PCSK5: variants seen among roughly 807,000 people sequenced by gnomAD.
PCSK5 encodes the protein proprotein convertase subtilisin/kexin type 5.
PCSK5 carries 129 observed loss-of-function variants against 233.2 expected under a neutral mutation model. That is an observed-to-expected ratio of 0.55 (90% CI 0.48 to 0.64). The LOEUF is 0.64. Among genes scored for constraint, PCSK5 ranks in the 30% least tolerant of loss-of-function variants. PCSK5 has a pLI of 0.00. For missense variants in PCSK5, 2,076 were observed against 2,430.1 expected (o/e 0.85, Z 3.06); for synonymous variants, 825 against 879.2 (o/e 0.94, Z 1.09).
intron 20 of PCSK5, among the ~76,000 whole-genome samples, chr9:76,210,225 C>A (rs1452002230): frequency 6.6e-6 from 1 of 152,168 alleles, no homozygotes; most frequent in Non-Finnish European, 1.5e-5. Flanking sequence ...AAGCCAGTTA[C>A]TGTAAGCTAC....
intron 2 of PCSK5, among the ~76,000 whole-genome samples, chr9:75,976,545 G>A (rs1481683304): frequency 6.6e-6 from 1 of 151,470 alleles, no homozygotes; most frequent in Non-Finnish European, 1.5e-5. Flanking sequence ...ATCATCAATG[G>A]AAAAATGAGC....
chr9:75,961,002 G>C (rs1225888527), intron 2 of PCSK5, among the ~76,000 whole-genome samples: 2 of 152,182 alleles, frequency 1.3e-5, no homozygotes, highest in African/African-American at 4.8e-5. Context: ...AGTGGAAAGA[G>C]GTAAAGTACC....
intron 24 of PCSK5, among the ~76,000 whole-genome samples, chr9:76,262,066 G>A (rs1265267406): frequency 6.6e-6 from 1 of 152,132 alleles, no homozygotes; most frequent in South Asian, 2.1e-4. Context: ...GTGAGAGAGG[G>A]CATCCCTGTC....
intron 10 of PCSK5, among the ~76,000 whole-genome samples, chr9:76,149,832 A>G (rs1398793081): frequency 6.6e-6 from 1 of 152,218 alleles, no homozygotes; most frequent in African/African-American, 2.4e-5. Flanking sequence ...TTACTTGCCT[A>G]TTGTAACCAT....
At chr9:75,936,022 A>C (rs752845998) in intron 2 of PCSK5, among the ~76,000 whole-genome samples, 5 of 152,188 alleles carry the variant, frequency 3.3e-5, no homozygotes, top group Admixed American at 6.5e-5. Context: ...AAGTCACACT[A>C]ATTGTTTTCC....
At chr9:76,015,145 G>A (rs1449177323) in intron 3 of PCSK5, among the ~76,000 whole-genome samples, 1 of 152,238 alleles carries the variant, frequency 6.6e-6, no homozygotes. Context: ...GTCTGAATCT[G>A]AAGACAGGAG....
At chr9:76,263,791 A>C (rs1260957876) in intron 24 of PCSK5, among the ~76,000 whole-genome samples, 1 of 149,208 alleles carries the variant, frequency 6.7e-6, no homozygotes, top group Non-Finnish European at 1.5e-5. Context: ...TAATAAAAGA[A>C]AAAAAAAAGA....
chr9:75,966,164 G>A (rs553802745), intron 2 of PCSK5, among the ~76,000 whole-genome samples: 5 of 152,102 alleles, frequency 3.3e-5, no homozygotes, highest in African/African-American at 4.8e-5. Context: ...CTTTGGGTAC[G>A]TACTAACCTA....
At chr9:75,952,403 G>A (rs1300540616) in intron 2 of PCSK5, among the ~76,000 whole-genome samples, 1 of 152,016 alleles carries the variant, frequency 6.6e-6, no homozygotes, top group East Asian at 1.9e-4. Context: ...ATCCTTGTTT[G>A]CTTTTTGTTT....
intron 34 of PCSK5, among the ~76,000 whole-genome samples, chr9:76,335,923 T>C (rs968485773): frequency 1.3e-5 from 2 of 152,204 alleles, no homozygotes; most frequent in Non-Finnish European, 1.5e-5. Flanking sequence ...TTAAGTGACT[T>C]GCCCAAAGTC....
At chr9:76,193,255 C>T (rs761314125) in intron 20 of PCSK5, 173 of 1,613,180 alleles carry the variant, frequency 1.1e-4, no homozygotes, top group Middle Eastern at 4.9e-4. Flanking sequence ...GAGTCCTGGG[C>T]GGAAGGAGGC....
Position 75,891,211 on chromosome 9 carries a change from G to C in PCSK5, c.30G>C (p.Pro10=). The change falls in exon 1 of 38, where the codon CCG becomes CCC. Residue 10 remains proline, a synonymous_variant. Coordinates refer to ENST00000674117, the MANE Select transcript of PCSK5 (RefSeq NM_001372043.1). MGWGSRCCC[P]GRLDLLCVLA... Reference sequence around the variant, plus strand: ...GCTGGGGGAGCCGCTGCTGCTGCCCGGGACGTTTGGACCTGCTGTGCGTGC... The same window carrying C: ...GCTGGGGGAGCCGCTGCTGCTGCCCCGGACGTTTGGACCTGCTGTGCGTGC... 6.7e-7 allele frequency: 1 copy of C among 1,494,402 alleles called. No homozygotes were observed. Among genetic ancestry groups the C allele is most frequent in the Non-Finnish European group, 8.8e-7 (1 of 1,131,148 alleles). The allele number at this position is 1,494,402 out of a possible 1,614,324, so 92.6% of individuals were successfully genotyped here.
chr9:76,155,327 T>C (rs1823844604), intron 10 of PCSK5, among the ~76,000 whole-genome samples: 1 of 152,216 alleles, frequency 6.6e-6, no homozygotes, highest in Non-Finnish European at 1.5e-5. Context: ...AAGAATTATG[T>C]GATTAGCAAA....
chr9:76,139,474 A>G (rs1453391633), intron 10 of PCSK5, among the ~76,000 whole-genome samples: 10 of 152,006 alleles, frequency 6.6e-5, no homozygotes, highest in Admixed American at 6.6e-4. Context: ...GTGAAGTGGT[A>G]CTCATCTGGT....
chr9:75,979,264 C>CTTT (rs1467906768), intron 2 of PCSK5, among the ~76,000 whole-genome samples: 1 of 151,736 alleles, frequency 6.6e-6, no homozygotes, highest in Non-Finnish European at 1.5e-5. Context: ...TCAAAGCCGT[C>CTTT]TAAAAAAAAA....
intron 6 of PCSK5, among the ~76,000 whole-genome samples, chr9:76,069,368 AC>A (rs1285558056): frequency 3.9e-5 from 6 of 151,968 alleles, no homozygotes; most frequent in Non-Finnish European, 8.8e-5. Flanking sequence ...TCCAGCACAA[AC>A]CCAGAAATCT....
chr9:76,254,536 C>A (rs1380095170), intron 24 of PCSK5, among the ~76,000 whole-genome samples: 1 of 151,732 alleles, frequency 6.6e-6, no homozygotes, highest in African/African-American at 2.4e-5. Flanking sequence ...TTATCTCTGG[C>A]AACTGATGAG....
intron 10 of PCSK5, among the ~76,000 whole-genome samples, chr9:76,136,747 A>T (rs950759819): frequency 1.3e-5 from 2 of 152,040 alleles, no homozygotes; most frequent in Non-Finnish European, 2.9e-5. Flanking sequence ...AAATAGGAGA[A>T]CAATTTCACA....
At chr9:75,936,239 G>A (rs751928312) in intron 2 of PCSK5, among the ~76,000 whole-genome samples, 9 of 152,168 alleles carry the variant, frequency 5.9e-5, no homozygotes, top group Non-Finnish European at 1.3e-4. Context: ...TCAGGGTGGT[G>A]GTTGCTGAAG....
Sources: allele counts gnomAD v4.1 joint callset (sites outside exome capture counted in the v4.1 genomes callset), GRCh38; gene constraint gnomAD v4.1.1; transcripts MANE v1.5; gene names NCBI Gene and HGNC (gene_info 2026-07-23, HGNC 2026-07-21).